Variants in SNX29 observed in about 807,000 individuals in gnomAD.
SNX29 encodes the protein sorting nexin-29.
Under a neutral mutation model 102.1 loss-of-function variants are expected in SNX29, and 78 were observed. That is an observed-to-expected ratio of 0.76 (90% confidence interval 0.64 to 0.92). SNX29 has a LOEUF of 0.92. SNX29 is among the 40% of genes least tolerant of loss of function. The pLI, the probability that SNX29 is intolerant of heterozygous loss-of-function variation, is 0.00. For synonymous variants in SNX29, 580 were observed against 414.5 expected (o/e 1.40, Z -4.85); for missense variants, 1,280 against 1,061.7 (o/e 1.21, Z -2.86).
chr16:12,293,686 A>AT (rs1472462117), intron 15 of SNX29, among the ~76,000 whole-genome samples: 1 of 152,202 alleles, frequency 6.6e-6, no homozygotes, highest in East Asian at 1.9e-4. Flanking sequence ...CATATTGAAC[A>AT]TTTTTTACTT....
intron 20 of SNX29, among the ~76,000 whole-genome samples, chr16:12,558,132 G>A (rs556244910): frequency 3.3e-5 from 5 of 152,294 alleles, no homozygotes; most frequent in African/African-American, 1.2e-4. Context: ...GCAGCATTCA[G>A]GGATAATCCT....
chr16:12,235,811 A>G (rs532943095), intron 14 of SNX29, among the ~76,000 whole-genome samples: 2,980 of 143,676 alleles, frequency 0.021, 114 homozygotes, highest in African/African-American at 0.077. Flanking sequence ...GTGTGTGTGT[A>G]TGTGTATGTG....
At chr16:12,302,401 T>G (rs1337701200) in intron 15 of SNX29, among the ~76,000 whole-genome samples, 2 of 152,238 alleles carry the variant, frequency 1.3e-5, no homozygotes, top group Non-Finnish European at 2.9e-5. Context: ...TTCAGGCTAT[T>G]TTAACAAAAT....
intron 14 of SNX29, among the ~76,000 whole-genome samples, chr16:12,271,527 C>T (rs2079091805): frequency 6.6e-6 from 1 of 152,084 alleles, no homozygotes. Context: ...GAGGTAAGTC[C>T]AGCCTATGCT....
chr16:12,332,683 T>C (rs1343444432), intron 15 of SNX29, among the ~76,000 whole-genome samples: 2 of 152,120 alleles, frequency 1.3e-5, no homozygotes, highest in African/African-American at 4.8e-5. Context: ...TCCCAGCCCC[T>C]GGCCGCCACC....
intron 10 of SNX29, among the ~76,000 whole-genome samples, chr16:12,069,356 C>T (rs2051185994): frequency 6.6e-6 from 1 of 150,792 alleles, no homozygotes; most frequent in African/African-American, 2.4e-5. Context: ...AACTCCGCCT[C>T]CCGAGATCAA....
At position 12,003,054 on chromosome 16, in the gene SNX29, C is replaced by A. The variant is rs2056343564; in HGVS notation, c.122+11C>A. ...GGATTCCGACAGCAGGTAAATATGT[C>A]ACTTCTAAAACCGTTGACCATCGAG... On this transcript the variant is annotated intron_variant, in intron 3 of 20. Coordinates refer to ENST00000566228, the MANE Select transcript of SNX29 (RefSeq NM_032167.5). 1 of 1,614,062 alleles carries A rather than the reference C, an allele frequency of 6.2e-7. No individual in the cohort carries two copies. Among genetic ancestry groups the A allele is most frequent in the Admixed American group, 1.7e-5 (1 of 60,008 alleles).
chr16:11,989,998 T>G (rs2055786298), intron 1 of SNX29, among the ~76,000 whole-genome samples: 1 of 152,062 alleles, frequency 6.6e-6, no homozygotes, highest in Admixed American at 6.5e-5. Flanking sequence ...GTGTACAAGG[T>G]TTGGGGTAAA....
intron 15 of SNX29, among the ~76,000 whole-genome samples, chr16:12,308,637 C>T (rs1353873596): frequency 6.6e-6 from 1 of 152,142 alleles, no homozygotes; most frequent in African/African-American, 2.4e-5. Flanking sequence ...CAGAAAAAAT[C>T]CTCGACTTCT....
intron 15 of SNX29, among the ~76,000 whole-genome samples, chr16:12,295,278 G>C (rs1046049437): frequency 3.9e-5 from 6 of 152,218 alleles, no homozygotes; most frequent in Admixed American, 3.3e-4. Context: ...GGGGTCACCG[G>C]TTCCCTTTAA....
At chr16:12,168,282 G>A (rs1456645384) in intron 13 of SNX29, among the ~76,000 whole-genome samples, 1 of 152,114 alleles carries the variant, frequency 6.6e-6, no homozygotes, top group East Asian at 1.9e-4. Flanking sequence ...GGAGGGAGGA[G>A]CCTTTGGGGG....
intron 15 of SNX29, among the ~76,000 whole-genome samples, chr16:12,300,850 A>G (rs139915505): frequency 6.2e-4 from 94 of 152,232 alleles, no homozygotes; most frequent in African/African-American, 2.1e-3. Flanking sequence ...AGCCTTACCT[A>G]CTAGATGCTG....
At chr16:12,449,320 A>G (rs145578953) in intron 18 of SNX29, among the ~76,000 whole-genome samples, 20 of 152,046 alleles carry the variant, frequency 1.3e-4, no homozygotes, top group Admixed American at 1.2e-3. Context: ...TTAGCCAGGC[A>G]AAGAAGGCAC....
chr16:12,463,856 G>C (rs796635830), intron 18 of SNX29, among the ~76,000 whole-genome samples: 5 of 139,238 alleles, frequency 3.6e-5, no homozygotes, highest in African/African-American at 1.3e-4. Context: ...GTGTGTGTGA[G>C]AGATGACACT....
chr16:12,088,902 A>G (rs2052356702), intron 11 of SNX29, among the ~76,000 whole-genome samples: 1 of 152,146 alleles, frequency 6.6e-6, no homozygotes, highest in Admixed American at 6.5e-5. Context: ...AGCCTGGCCA[A>G]CACAGCGAAA....
chr16:12,158,026 G>A (rs1417000803), intron 13 of SNX29, among the ~76,000 whole-genome samples: 1 of 151,648 alleles, frequency 6.6e-6, no homozygotes, highest in Non-Finnish European at 1.5e-5. Context: ...AAGTTCTCAG[G>A]TGCTAGGTAC....
chr16:12,352,099 T>C (rs1469104095), intron 15 of SNX29, among the ~76,000 whole-genome samples: 1 of 152,138 alleles, frequency 6.6e-6, no homozygotes, highest in Non-Finnish European at 1.5e-5. Flanking sequence ...AAAAATTTGA[T>C]AGACTTGGAA....
intron 20 of SNX29, among the ~76,000 whole-genome samples, chr16:12,555,855 C>T (rs1462254842): frequency 6.6e-6 from 1 of 152,196 alleles, no homozygotes; most frequent in East Asian, 1.9e-4. Flanking sequence ...TCACCACCTC[C>T]ATCATTTTCT....
intron 20 of SNX29, among the ~76,000 whole-genome samples, chr16:12,564,382 C>T (rs187936059): frequency 9.5e-5 from 14 of 147,582 alleles, no homozygotes; most frequent in African/African-American, 2.6e-4. Flanking sequence ...TAATCACCAC[C>T]AACTGCATAA....
Sources: gnomAD v4.1 joint callset for allele counts (sites outside exome capture counted in the v4.1 genomes callset) on GRCh38, gnomAD v4.1.1 for gene constraint, MANE v1.5 for transcripts, NCBI Gene and HGNC (gene_info 2026-07-23, HGNC 2026-07-21) for gene names.